The following MYO3B variants were observed in gnomAD, a reference collection of about 807,000 sequenced individuals.
The protein encoded by MYO3B is myosin-IIIb.
A neutral mutation model predicts 174.6 loss-of-function variants in MYO3B; 156 were observed. The ratio of observed to expected loss-of-function variants is 0.89; its 90% confidence interval spans 0.78 to 1.02. The LOEUF is 1.02. Among genes scored for constraint, MYO3B ranks in the 50% least tolerant of loss-of-function variants. The pLI is 0.00. For missense variants in MYO3B, 1,632 were observed against 1,639.4 expected (o/e 1.00, Z 0.08); for synonymous variants, 563 against 569.1 (o/e 0.99, Z 0.15).
chr2:170,480,617 G>C (rs1219420157), intron 25 of MYO3B, among the ~76,000 whole-genome samples: 1 of 152,200 alleles, frequency 6.6e-6, no homozygotes, highest in Non-Finnish European at 1.5e-5. Context: ...GCCCAGACTT[G>C]TGACTGGCAT....
chr2:170,350,026 G>T (rs13016830), intron 8 of MYO3B, among the ~76,000 whole-genome samples: 76,147 of 151,570 alleles, frequency 0.5, 21,000 homozygotes, highest in East Asian at 0.66. Context: ...CTTTGAGATA[G>T]TGTCTTGCTC....
intron 1 of MYO3B, among the ~76,000 whole-genome samples, chr2:170,191,143 G>A (rs1413799265): frequency 1.3e-5 from 2 of 151,716 alleles, no homozygotes; most frequent in Admixed American, 6.6e-5. Context: ...TCGTAGAGGA[G>A]ATAGGGCCTC....
At chr2:170,536,960 G>A (rs1244572744) in intron 30 of MYO3B, among the ~76,000 whole-genome samples, 1 of 152,008 alleles carries the variant, frequency 6.6e-6, no homozygotes, top group East Asian at 1.9e-4. Context: ...CCAGCACTTT[G>A]GGAGTCTGAG....
chr2:170,644,246 G>C (rs1257416442), intron 32 of MYO3B, among the ~76,000 whole-genome samples: 2 of 151,094 alleles, frequency 1.3e-5, no homozygotes, highest in Non-Finnish European at 2.9e-5. Context: ...AGAATTATTG[G>C]TTGTTTATCT....
intron 25 of MYO3B, among the ~76,000 whole-genome samples, chr2:170,487,199 T>A (rs1310092878): frequency 6.6e-6 from 1 of 152,226 alleles, no homozygotes; most frequent in African/African-American, 2.4e-5. Context: ...CAGTTTCTCA[T>A]ACGACATGGC....
intron 9 of MYO3B, among the ~76,000 whole-genome samples, chr2:170,372,013 G>A (rs1010280703): frequency 2.7e-5 from 4 of 150,230 alleles, no homozygotes; most frequent in Admixed American, 6.6e-5. Flanking sequence ...TGTAGTCCCC[G>A]GAGGCTGACA....
chr2:170,395,834 T>G (rs1196598074), intron 16 of MYO3B, among the ~76,000 whole-genome samples: 1 of 152,216 alleles, frequency 6.6e-6, no homozygotes, highest in Non-Finnish European at 1.5e-5. Flanking sequence ...CTACCGGAGA[T>G]GCCTGTGAGC....
At chr2:170,283,945 A>C (rs1168895701) in intron 7 of MYO3B, among the ~76,000 whole-genome samples, 1 of 152,244 alleles carries the variant, frequency 6.6e-6, no homozygotes, top group African/African-American at 2.4e-5. Context: ...GTAACAATAC[A>C]TTGGCTTCTC....
At chr2:170,592,855 T>C (rs1333695894) in intron 32 of MYO3B, among the ~76,000 whole-genome samples, 2 of 152,180 alleles carry the variant, frequency 1.3e-5, no homozygotes, top group African/African-American at 2.4e-5. Context: ...TCCATATAGA[T>C]AGATATAGAT....
intron 3 of MYO3B, among the ~76,000 whole-genome samples, chr2:170,204,377 A>G (rs1392252381): frequency 1.3e-5 from 2 of 152,224 alleles, no homozygotes; most frequent in Non-Finnish European, 2.9e-5. Flanking sequence ...AATTCTGCAA[A>G]CTGACTATGT....
At chr2:170,631,106 T>TA (rs1696936533) in intron 32 of MYO3B, among the ~76,000 whole-genome samples, 1 of 152,064 alleles carries the variant, frequency 6.6e-6, no homozygotes, top group South Asian at 2.1e-4. Flanking sequence ...TTCTCCGAGC[T>TA]AAAGGAGGAA....
At chr2:170,514,515 C>A (rs1688176888) in intron 28 of MYO3B, among the ~76,000 whole-genome samples, 1 of 152,224 alleles carries the variant, frequency 6.6e-6, no homozygotes, top group Non-Finnish European at 1.5e-5. Flanking sequence ...CTTCTGTTTA[C>A]TTCCCTGGTA....
chr2:170,359,937 G>A (rs987592063), intron 8 of MYO3B, among the ~76,000 whole-genome samples: 1 of 148,140 alleles, frequency 6.8e-6, no homozygotes, highest in African/African-American at 2.4e-5. Flanking sequence ...TAAATACCTA[G>A]TAAGTTTTTG....
At chr2:170,582,177 A>G (rs1043694799) in intron 32 of MYO3B, among the ~76,000 whole-genome samples, 2 of 152,228 alleles carry the variant, frequency 1.3e-5, no homozygotes, top group Non-Finnish European at 2.9e-5. Flanking sequence ...ATTAAAGTTC[A>G]TGATGGCTAC....
rs538807718 is a variant in MYO3B at position 170,441,985 on chromosome 2, T to G, written c.2651-1982T>G. Among the ~76,000 whole-genome samples the G allele has an allele frequency of 3.3e-3, 500 of 152,346 alleles. 4 individuals carry two copies. The highest frequency in any genetic ancestry group is 5.8e-3 in the Non-Finnish European group (395 of 68,032). ...CAGCCCAGTAGGTCTCAGCCTTATT[T>G]TCACCCAGCCCCTATTCAAGATGAA... is the stretch of plus-strand genomic sequence containing the variant. On this transcript the variant is annotated intron_variant, in intron 22 of 34. Transcript: ENST00000408978.
intron 32 of MYO3B, among the ~76,000 whole-genome samples, chr2:170,644,256 T>C (rs928936216): frequency 6.6e-6 from 1 of 152,144 alleles, no homozygotes; most frequent in Admixed American, 6.6e-5. Context: ...GTTGTTTATC[T>C]GAAATTCAAA....
At chr2:170,347,936 A>C (rs987551390) in intron 8 of MYO3B, 1 of 152,200 alleles carries the variant, frequency 6.6e-6, no homozygotes, top group South Asian at 2.1e-4. Flanking sequence ...GACAAACAGC[A>C]ATCTGCTAGA....
At chr2:170,554,740 G>A (rs555752658) in intron 32 of MYO3B, among the ~76,000 whole-genome samples, 1 of 152,332 alleles carries the variant, frequency 6.6e-6, no homozygotes, top group South Asian at 2.1e-4. Context: ...CCAATGCCAA[G>A]TTAGGTTTTG....
intron 8 of MYO3B, among the ~76,000 whole-genome samples, chr2:170,352,299 G>C (rs2094079696): frequency 6.6e-6 from 1 of 152,132 alleles, no homozygotes; most frequent in Non-Finnish European, 1.5e-5. Flanking sequence ...AGAACTACAG[G>C]AAAATTGACA....
Sources: allele counts gnomAD v4.1 joint callset (sites outside exome capture counted in the v4.1 genomes callset), GRCh38; gene constraint gnomAD v4.1.1; transcripts MANE v1.5; gene names NCBI Gene and HGNC (gene_info 2026-07-23, HGNC 2026-07-21).